IGSF11: variants seen among roughly 807,000 people sequenced by gnomAD.
The protein encoded by IGSF11 is immunoglobulin superfamily member 11.
A neutral mutation model predicts 41.0 loss-of-function variants in IGSF11; 22 were observed. That is an observed-to-expected ratio of 0.54 (90% CI 0.38 to 0.77). IGSF11 has a LOEUF of 0.77. Ranked by LOEUF, IGSF11 falls within the 30% of genes least tolerant of loss-of-function variation. The probability of loss-of-function intolerance (pLI) is 0.00; values close to 1 mark genes in which losing one functional copy is unlikely to be tolerated. For missense variants in IGSF11, 444 were observed against 530.8 expected (o/e 0.84, Z 1.61); for synonymous variants, 219 against 201.3 (o/e 1.09, Z -0.74).
At chr3:118,915,287 T>C (rs1940953587) in intron 4 of IGSF11, among the ~76,000 whole-genome samples, 1 of 135,828 alleles carries the variant, frequency 7.4e-6, no homozygotes, top group South Asian at 2.5e-4. Flanking sequence ...AGAAGAAGGC[T>C]TCAGACGATC....
intron 1 of IGSF11, among the ~76,000 whole-genome samples, chr3:119,134,631 C>T (rs889103424): frequency 1.3e-5 from 2 of 152,144 alleles, no homozygotes; most frequent in African/African-American, 4.8e-5. Context: ...TGAAAATGGC[C>T]ATACTGCCCA....
At chr3:118,913,128 G>A (rs930455540) in intron 4 of IGSF11, among the ~76,000 whole-genome samples, 2 of 151,654 alleles carry the variant, frequency 1.3e-5, no homozygotes, top group Non-Finnish European at 2.9e-5. Flanking sequence ...AAACCAGAAT[G>A]CCACACAGAA....
At chr3:119,140,991 C>T (rs572244573) in intron 1 of IGSF11, among the ~76,000 whole-genome samples, 5 of 144,674 alleles carry the variant, frequency 3.5e-5, no homozygotes, top group Admixed American at 1.4e-4. Context: ...TGCAGTGAGC[C>T]GAGACCATGC....
At chr3:119,103,453 T>G (rs2076970968) in intron 1 of IGSF11, among the ~76,000 whole-genome samples, 1 of 152,130 alleles carries the variant, frequency 6.6e-6, no homozygotes. Flanking sequence ...TTGAATGTGA[T>G]GAGTTTTTCT....
intron 4 of IGSF11, among the ~76,000 whole-genome samples, chr3:118,917,314 C>A: frequency 6.7e-6 from 1 of 150,302 alleles, no homozygotes; most frequent in African/African-American, 2.5e-5. Flanking sequence ...TCAATGAATC[C>A]AGGAGCTGGT....
intron 1 of IGSF11, among the ~76,000 whole-genome samples, chr3:119,096,912 G>T (rs766790998): frequency 6.0e-4 from 92 of 152,256 alleles, no homozygotes; most frequent in Non-Finnish European, 1.1e-3. Context: ...TTCTGGACTA[G>T]AAGTTCCCAT....
chr3:119,114,232 C>T (rs1322302006), intron 1 of IGSF11, among the ~76,000 whole-genome samples: 3 of 152,234 alleles, frequency 2.0e-5, no homozygotes, highest in Admixed American at 2.0e-4. Flanking sequence ...CTGCAGCCAG[C>T]TTGAATTCGT....
At chr3:118,976,037 T>A (rs558372793) in intron 1 of IGSF11, among the ~76,000 whole-genome samples, 84 of 151,778 alleles carry the variant, frequency 5.5e-4, no homozygotes, top group Middle Eastern at 3.4e-3. Context: ...ATAAAAATTT[T>A]AAAAAAAACA....
intron 1 of IGSF11, among the ~76,000 whole-genome samples, chr3:119,001,229 TTC>T (rs892872646): frequency 2.0e-5 from 3 of 150,400 alleles, no homozygotes; most frequent in South Asian, 2.1e-4. Flanking sequence ...CCATATTTCT[TTC>T]TGTTTTAATT....
chr3:119,047,335 G>C (rs192644046), intron 1 of IGSF11, among the ~76,000 whole-genome samples: 2 of 152,196 alleles, frequency 1.3e-5, no homozygotes, highest in East Asian at 3.9e-4. Context: ...AAAAAAGGCA[G>C]GAGTTGCAAT....
At chr3:119,112,052 C>T (rs2077173060) in intron 1 of IGSF11, among the ~76,000 whole-genome samples, 1 of 152,182 alleles carries the variant, frequency 6.6e-6, no homozygotes. Context: ...GTCTGGGACC[C>T]ACTTGAGGAG....
At chr3:118,921,329 G>A (rs1427312685) in intron 4 of IGSF11, among the ~76,000 whole-genome samples, 5 of 152,080 alleles carry the variant, frequency 3.3e-5, no homozygotes, top group Admixed American at 1.3e-4. Flanking sequence ...ATTGGCGGGA[G>A]GGAGGAAGGA....
At chr3:118,920,314 T>G (rs1941644059) in intron 4 of IGSF11, among the ~76,000 whole-genome samples, 1 of 150,358 alleles carries the variant, frequency 6.7e-6, no homozygotes, top group African/African-American at 2.4e-5. Context: ...ATAAAAGACC[T>G]CTTTAAATAT....
chr3:119,009,428 C>A (rs1235592551), intron 1 of IGSF11, among the ~76,000 whole-genome samples: 1 of 152,086 alleles, frequency 6.6e-6, no homozygotes, highest in Non-Finnish European at 1.5e-5. Context: ...GGGGCAGTTT[C>A]CCCCATGCTG....
At chr3:119,076,488 G>C (rs1352910110) in intron 1 of IGSF11, among the ~76,000 whole-genome samples, 2 of 152,018 alleles carry the variant, frequency 1.3e-5, no homozygotes, top group East Asian at 1.9e-4. Context: ...TACAGAATGG[G>C]AGAAAATTTT....
chr3:119,086,243 G>A (rs2076670708), intron 1 of IGSF11, among the ~76,000 whole-genome samples: 1 of 152,178 alleles, frequency 6.6e-6, no homozygotes, highest in South Asian at 2.1e-4. Context: ...ATTATGTAAA[G>A]AGACCAAATA....
intron 1 of IGSF11, among the ~76,000 whole-genome samples, chr3:118,969,633 C>G (rs1369967346): frequency 6.6e-6 from 1 of 152,138 alleles, no homozygotes; most frequent in Non-Finnish European, 1.5e-5. Context: ...GGTGTGCAAG[C>G]AATTGGGAGT....
At chr3:118,948,432 G>A (rs1448235695) in intron 1 of IGSF11, 1 of 152,100 alleles carries the variant, frequency 6.6e-6, no homozygotes, top group Non-Finnish European at 1.5e-5. Flanking sequence ...CAAAACACAA[G>A]AAATGAAGTT....
At chr3:118,976,510 C>T (rs1030611298) in intron 1 of IGSF11, among the ~76,000 whole-genome samples, 1 of 152,196 alleles carries the variant, frequency 6.6e-6, no homozygotes, top group Non-Finnish European at 1.5e-5. Context: ...TAGGAATCTA[C>T]CACTGCTGCC....
Sources: allele counts gnomAD v4.1 joint callset (sites outside exome capture counted in the v4.1 genomes callset), GRCh38; gene constraint gnomAD v4.1.1; transcripts MANE v1.5; gene names NCBI Gene and HGNC (gene_info 2026-07-23, HGNC 2026-07-21).